Variants in GTF2H1 observed in about 807,000 individuals in gnomAD.
GTF2H1 encodes the protein BTF2 p62.
A neutral mutation model predicts 71.2 loss-of-function variants in GTF2H1; 16 were observed. That is an observed-to-expected ratio of 0.22 (90% CI 0.15 to 0.34). The LOEUF (loss-of-function observed/expected upper bound fraction) is 0.34. GTF2H1 is among the 10% of genes least tolerant of loss of function. GTF2H1 has a pLI of 1.00. For missense variants in GTF2H1, 498 were observed against 648.2 expected (o/e 0.77, Z 2.52); for synonymous variants, 215 against 219.0 (o/e 0.98, Z 0.16).
At chr11:18,359,228 TA>T (rs1360699217) in intron 13 of GTF2H1, among the ~76,000 whole-genome samples, 5 of 152,210 alleles carry the variant, frequency 3.3e-5, no homozygotes, top group Non-Finnish European at 7.3e-5. Flanking sequence ...AGTATGCAGA[TA>T]AATTACAGCT....
intron 7 of GTF2H1, among the ~76,000 whole-genome samples, chr11:18,343,312 G>A (rs1206706616): frequency 6.6e-6 from 1 of 152,220 alleles, no homozygotes; most frequent in Non-Finnish European, 1.5e-5. Flanking sequence ...AAAGAGCCTA[G>A]TGCGTAATAA....
At chr11:18,360,837 ACT>A in intron 14 of GTF2H1, 130 bp downstream of exon 14, 1 of 567,602 alleles carries the variant, frequency 1.8e-6, no homozygotes, top group Middle Eastern at 4.6e-4. Flanking sequence ...ACGGAGTCTC[ACT>A]CTGTCGCCCA....
intron 14 of GTF2H1, among the ~76,000 whole-genome samples, chr11:18,365,087 A>G (rs1565022736): frequency 6.6e-6 from 1 of 151,100 alleles, no homozygotes; most frequent in Non-Finnish European, 1.5e-5. Context: ...AGAAAAAAAA[A>G]AAAAACCTGG....
rs1565015621 is a variant in GTF2H1 at position 18,351,862 on chromosome 11, A to G, written c.1054-19A>G. On this transcript the variant is annotated intron_variant, in intron 9 of 14. Coordinates refer to ENST00000265963, the MANE Select transcript of GTF2H1 (RefSeq NM_005316.4). ...AGAAAGTTGTGACAAAATAAAAAGTACTGTGTTAATAATTATAGGCGAAAT... is the reference window on the plus strand; with the variant it reads ...AGAAAGTTGTGACAAAATAAAAAGTGCTGTGTTAATAATTATAGGCGAAAT... 1.6e-6 allele frequency: 2 copies of G among 1,212,528 alleles called. No individual in the cohort carries two copies. The highest frequency in any genetic ancestry group is 3.0e-5 in the African/African-American group (2 of 66,910). 75.1% of individuals were successfully genotyped at this position (1,212,528 alleles called of 1,614,324 possible).
rs534314827 is a variant in GTF2H1 at position 18,347,740 on chromosome 11, G to A, written c.965+25G>A. ...AGTTAAGTATAAATGCAGAGGTGCA[G>A]TAACTGGGCTTTTCAGGATATCCAG... On this transcript the variant is annotated intron_variant, in intron 8 of 14. Transcript: ENST00000265963. 67 of 1,608,450 alleles carry A rather than the reference G, an allele frequency of 4.2e-5. No homozygotes were observed. The Middle Eastern group carries it at 5.0e-4, about 12-fold the overall frequency.
rs1321573677 is a variant in GTF2H1 at position 18,366,942 on chromosome 11, T to G, written c.*1073T>G. The G allele has an allele frequency of 6.6e-6, 1 of 152,052 alleles. No homozygotes were observed. Among genetic ancestry groups the G allele is most frequent in the African/African-American group, 2.4e-5 (1 of 41,438 alleles). The allele number at this position is 152,052 out of a possible 1,614,324, so 9.4% of individuals were successfully genotyped here. A position where few individuals can be genotyped will look rare whatever the true frequency, so the allele number is the denominator to read the frequency against. The stretch of plus-strand genomic sequence containing the variant: ...CTTGTTTCTGAACTTCGTGCCATAT[T>G]TTGTTCCTGATGGGATCAACTTAAT... On this transcript the variant is annotated 3_prime_UTR_variant, in exon 15 of 15. Transcript: ENST00000265963.
chr11:18,358,033 G>T lies in GTF2H1; in HGVS notation c.1342G>T (p.Ala448Ser). The change falls in exon 12 of 15, where the codon GCC becomes TCC. Residue 448 changes from alanine (A) to serine (S), a missense_variant. By Grantham distance (99) the Ala-to-Ser change is moderately conservative. This residue lies in a region of GTF2H1 where 266 missense variants were observed against 301.6 expected (regional missense o/e 0.88). Coordinates refer to ENST00000265963, the MANE Select transcript of GTF2H1 (RefSeq NM_005316.4). ...ACTTATGCAGGGAGGAACACAGCAAGCCATAAACCGTATGTGCCGGGCCAT... is the reference window on the plus strand; with the variant it reads ...ACTTATGCAGGGAGGAACACAGCAATCCATAAACCGTATGTGCCGGGCCAT... ...GALMQGGTQQ[A>S]INQMVPNDIQ... 2.5e-6 allele frequency: 4 copies of T among 1,610,346 alleles called. No individual in the cohort carries two copies. Among genetic ancestry groups the T allele is most frequent in the Non-Finnish European group, 3.4e-6 (4 of 1,176,612 alleles).
In GTF2H1 at chr11:18,347,378, G is replaced by C. The variant is rs560605201; in HGVS notation, c.838-210G>C. The stretch of plus-strand genomic sequence containing the variant: ...AACAGAGAGAAATTCAGTTTAAGAT[G>C]TATTTTGTAATGCTAAAACGAGTTA... On this transcript the variant is annotated intron_variant, in intron 7 of 14. Transcript: ENST00000265963. The C allele has an allele frequency of 1.1e-5, 5 of 434,796 alleles. No homozygotes were observed. The South Asian group carries it at 2.1e-4, about 18-fold the overall frequency. The allele number at this position is 434,796 out of a possible 1,614,324, so 26.9% of individuals were successfully genotyped here. A position where few individuals can be genotyped will look rare whatever the true frequency, so the allele number is the denominator to read the frequency against.
At chr11:18,322,889 T>G (rs374045745) in intron 1 of GTF2H1, 149 bp downstream of exon 1, 6 of 152,314 alleles carry the variant, frequency 3.9e-5, no homozygotes, top group East Asian at 1.9e-4. Context: ...GCGTCTTGTT[T>G]GCCCTTATCC....
chr11:18,343,326 G>C (rs982966865), intron 7 of GTF2H1, among the ~76,000 whole-genome samples: 1 of 152,202 alleles, frequency 6.6e-6, no homozygotes, highest in Non-Finnish European at 1.5e-5. Flanking sequence ...GTAATAAGTA[G>C]TAGGTAATAG....
At chr11:18,323,785 G>A (rs1590175692) in intron 1 of GTF2H1, among the ~76,000 whole-genome samples, 1 of 151,610 alleles carries the variant, frequency 6.6e-6, no homozygotes, top group East Asian at 1.9e-4. Context: ...CTATCCTAGA[G>A]GCCACTCCTT....
At chr11:18,346,012 G>T (rs1026437820) in intron 7 of GTF2H1, among the ~76,000 whole-genome samples, 4 of 148,250 alleles carry the variant, frequency 2.7e-5, no homozygotes, top group East Asian at 2.1e-4. Context: ...GGATGGCCTC[G>T]ATCTCCTGAC....
chr11:18,341,108 T>C (rs1590188224), intron 5 of GTF2H1, among the ~76,000 whole-genome samples, 153 bp from the exon 6 acceptor site: 1 of 152,364 alleles, frequency 6.6e-6, no homozygotes, highest in East Asian at 1.9e-4. Flanking sequence ...TCTCTCAAGT[T>C]ACCCTTCATA....
At chr11:18,365,085 A>AC (rs1416008195) in intron 14 of GTF2H1, among the ~76,000 whole-genome samples, 10 of 151,146 alleles carry the variant, frequency 6.6e-5, no homozygotes, top group African/African-American at 2.4e-4. Flanking sequence ...AAAGAAAAAA[A>AC]AAAAAAACCT....
chr11:18,332,884 G>A, intron 1 of GTF2H1, 176 bp from the exon 2 acceptor site: 1 of 479,396 alleles, frequency 2.1e-6, no homozygotes, highest in Non-Finnish European at 3.7e-6. Flanking sequence ...TAATTGTAGA[G>A]GAATGATGCC....
At chr11:18,328,135 G>A (rs1006066989) in intron 1 of GTF2H1, among the ~76,000 whole-genome samples, 5 of 151,340 alleles carry the variant, frequency 3.3e-5, no homozygotes, top group East Asian at 3.9e-4. Context: ...CTGGGGAGGC[G>A]GAGGTTGCAG....
intron 7 of GTF2H1, among the ~76,000 whole-genome samples, chr11:18,346,819 T>A (rs1865306598): frequency 7.7e-6 from 1 of 129,088 alleles, no homozygotes; most frequent in Admixed American, 9.5e-5. Flanking sequence ...CACTGCCACC[T>A]CTGCCTCCTG....
At chr11:18,358,942 AT>A (rs1865633721) in intron 13 of GTF2H1, among the ~76,000 whole-genome samples, 1 of 152,246 alleles carries the variant, frequency 6.6e-6, no homozygotes, top group South Asian at 2.1e-4. Context: ...AAAGTTATTT[AT>A]ATTTGATACG....
chr11:18,352,061 G>A (rs112079582), intron 10 of GTF2H1, 92 bp downstream of exon 10: 42 of 728,620 alleles, frequency 5.8e-5, no homozygotes, highest in Middle Eastern at 5.1e-4. Flanking sequence ...TAATCAGTTC[G>A]TCACCATCAA....
Sources: allele counts gnomAD v4.1 joint callset (sites outside exome capture counted in the v4.1 genomes callset), GRCh38; gene constraint gnomAD v4.1.1; regional missense constraint gnomAD v4.1.1; transcripts MANE v1.5; gene names NCBI Gene and HGNC (gene_info 2026-07-23, HGNC 2026-07-21).